The following ATRNL1 variants were observed in gnomAD, a reference collection of about 807,000 sequenced individuals.
ATRNL1 encodes attractin like 1.
In ATRNL1, 95 loss-of-function variants were observed where a neutral mutation model predicts 182.7. The ratio of observed to expected loss-of-function variants is 0.52; its 90% CI spans 0.44 to 0.62. The LOEUF is 0.62. Among genes scored for constraint, ATRNL1 ranks in the 20% least tolerant of loss-of-function variants. The pLI, the probability that ATRNL1 is intolerant of heterozygous loss-of-function variation, is 0.00. For synonymous variants in ATRNL1, 576 were observed against 568.3 expected (o/e 1.01, Z -0.19); for missense variants, 1,471 against 1,679.5 (o/e 0.88, Z 2.17).
chr10:115,561,354 A>G (rs563517331), intron 26 of ATRNL1, among the ~76,000 whole-genome samples: 1 of 152,328 alleles, frequency 6.6e-6, no homozygotes, highest in African/African-American at 2.4e-5. Flanking sequence ...ATTTCTCCAT[A>G]TAATATATGC....
rs150836530 is a variant in ATRNL1 at position 115,369,834 on chromosome 10, G to T, written c.3176-24825G>T. ...CTATTCCCTGATGATAAATGATGTG[G>T]AATATCTTTTCCTATATTTATTGAC... On this transcript the variant is annotated intron_variant, in intron 19 of 28. Coordinates refer to ENST00000355044, the MANE Select transcript of ATRNL1 (RefSeq NM_207303.4). 7.9e-3 allele frequency among the ~76,000 whole-genome samples: 1,205 copies of T among 152,276 alleles called. 14 individuals carry two copies. The highest frequency in any genetic ancestry group is 0.027 in the African/African-American group (1,131 of 41,552).
At chr10:115,491,825 C>G (rs533418544) in intron 24 of ATRNL1, among the ~76,000 whole-genome samples, 3 of 152,294 alleles carry the variant, frequency 2.0e-5, no homozygotes, top group Admixed American at 2.0e-4. Flanking sequence ...AGCTCAGTGT[C>G]TGCCCAAATG....
At chr10:115,337,785 C>A (rs1344592876) in intron 19 of ATRNL1, among the ~76,000 whole-genome samples, 1 of 152,100 alleles carries the variant, frequency 6.6e-6, no homozygotes, top group East Asian at 1.9e-4. Context: ...TTTATCCATT[C>A]ATCTGTTAAT....
At chr10:115,160,661 A>G (rs1554883070) in intron 6 of ATRNL1, among the ~76,000 whole-genome samples, 1 of 151,900 alleles carries the variant, frequency 6.6e-6, no homozygotes, top group Non-Finnish European at 1.5e-5. Context: ...TAGTATTATG[A>G]GAGAGATGAT....
At chr10:115,787,485 T>C (rs1949424627) in intron 27 of ATRNL1, among the ~76,000 whole-genome samples, 1 of 152,216 alleles carries the variant, frequency 6.6e-6, no homozygotes, top group South Asian at 2.1e-4. Flanking sequence ...TTTTGGTTTT[T>C]GTGCAGGCTT....
intron 19 of ATRNL1, among the ~76,000 whole-genome samples, chr10:115,387,456 A>G (rs553662269): frequency 6.6e-6 from 1 of 152,146 alleles, no homozygotes; most frequent in South Asian, 2.1e-4. Flanking sequence ...ATTGTTTTCT[A>G]TTGAGGTACA....
intron 26 of ATRNL1, among the ~76,000 whole-genome samples, chr10:115,619,937 T>A (rs1857635549): frequency 6.6e-6 from 1 of 152,204 alleles, no homozygotes; most frequent in Non-Finnish European, 1.5e-5. Flanking sequence ...TTAAATGTAT[T>A]GGTATTTTGC....
intron 25 of ATRNL1, among the ~76,000 whole-genome samples, chr10:115,526,581 G>A (rs1206016182): frequency 1.3e-5 from 2 of 152,084 alleles, no homozygotes; most frequent in African/African-American, 4.8e-5. Flanking sequence ...TAAGTCTTCT[G>A]CCAGGAACTG....
At chr10:115,512,542 T>G (rs1554982896) in intron 24 of ATRNL1, among the ~76,000 whole-genome samples, 3 of 151,372 alleles carry the variant, frequency 2.0e-5, no homozygotes, top group African/African-American at 4.8e-5. Flanking sequence ...TTACATTCAT[T>G]TATTTATAAT....
intron 26 of ATRNL1, among the ~76,000 whole-genome samples, chr10:115,706,981 T>A (rs945156346): frequency 6.6e-6 from 1 of 151,928 alleles, no homozygotes; most frequent in Non-Finnish European, 1.5e-5. Flanking sequence ...TTCTTACAAA[T>A]TCTAAATTTA....
chr10:115,500,761 G>A (rs12264087), intron 24 of ATRNL1, among the ~76,000 whole-genome samples: 2,294 of 151,332 alleles, frequency 0.015, 54 homozygotes, highest in African/African-American at 0.053. Flanking sequence ...GGCTGGTCTC[G>A]AACTCCCGAC....
intron 8 of ATRNL1, among the ~76,000 whole-genome samples, chr10:115,185,664 T>A (rs1640588714): frequency 6.6e-6 from 1 of 151,980 alleles, no homozygotes; most frequent in African/African-American, 2.4e-5. Context: ...GAAAGAATCA[T>A]CAATGGATGT....
At chr10:115,129,616 C>T (rs985165964) in intron 5 of ATRNL1, 81 bp downstream of exon 5, 74 of 1,213,572 alleles carry the variant, frequency 6.1e-5, no homozygotes, top group Admixed American at 2.0e-4. Context: ...ACGTTTGTTT[C>T]GTTATAGTTT....
At chr10:115,447,178 C>T (rs1847042339) in intron 21 of ATRNL1, among the ~76,000 whole-genome samples, 1 of 151,564 alleles carries the variant, frequency 6.6e-6, no homozygotes, top group Non-Finnish European at 1.5e-5. Flanking sequence ...ATATATACTT[C>T]TATTCATGTA....
intron 20 of ATRNL1, among the ~76,000 whole-genome samples, chr10:115,410,043 T>G (rs1157707877): frequency 6.6e-6 from 1 of 152,196 alleles, no homozygotes; most frequent in Non-Finnish European, 1.5e-5. Context: ...ATTTGCATTG[T>G]GTTGAACCAT....
intron 28 of ATRNL1, among the ~76,000 whole-genome samples, chr10:115,885,295 G>A (rs979594524): frequency 6.6e-6 from 1 of 152,166 alleles, no homozygotes; most frequent in Non-Finnish European, 1.5e-5. Context: ...AATACTGTTA[G>A]CTCCTTGAAG....
chr10:115,484,149 A>T (rs1848905536), intron 24 of ATRNL1, among the ~76,000 whole-genome samples: 1 of 151,296 alleles, frequency 6.6e-6, no homozygotes, highest in African/African-American at 2.4e-5. Context: ...GTCAAATCTT[A>T]GATCTTTTTC....
intron 5 of ATRNL1, among the ~76,000 whole-genome samples, chr10:115,157,199 C>T (rs142164721): frequency 2.0e-5 from 3 of 151,958 alleles, no homozygotes; most frequent in African/African-American, 7.2e-5. Context: ...TACATGTAGA[C>T]CATAAATGTG....
At chr10:115,760,022 C>T (rs1178203836) in intron 27 of ATRNL1, among the ~76,000 whole-genome samples, 2 of 151,396 alleles carry the variant, frequency 1.3e-5, no homozygotes, top group Non-Finnish European at 2.9e-5. Flanking sequence ...ATTGTGAACA[C>T]TTTACATTGA....
Sources: gnomAD v4.1 joint callset for allele counts (sites outside exome capture counted in the v4.1 genomes callset) on GRCh38, gnomAD v4.1.1 for gene constraint, MANE v1.5 for transcripts, NCBI Gene and HGNC (gene_info 2026-07-23, HGNC 2026-07-21) for gene names.